The following RPRD1B variants were observed in gnomAD, a reference collection of about 807,000 sequenced individuals.
RPRD1B encodes regulation of nuclear pre-mRNA domain containing 1B, also known as regulation of nuclear pre-mRNA domain-containing protein 1B.
RPRD1B carries 11 observed loss-of-function variants against 41.5 expected under a neutral mutation model. The observed-to-expected ratio is 0.27, with a 90% CI of 0.17 to 0.44. The LOEUF (loss-of-function observed/expected upper bound fraction) is 0.44. Among genes scored for constraint, RPRD1B ranks in the 20% least tolerant of loss-of-function variants. The pLI, the probability that RPRD1B is intolerant of heterozygous loss-of-function variation, is 1.00. For missense variants in RPRD1B, 248 were observed against 389.9 expected, an observed-to-expected ratio of 0.64 and a Z score of 3.06; for synonymous variants, 158 against 155.6, an observed-to-expected ratio of 1.02 and a Z score of -0.12.
chr20:38,038,362 G>A (rs2074024736), intron 1 of RPRD1B, among the ~76,000 whole-genome samples: 1 of 150,222 alleles, frequency 6.7e-6, no homozygotes, highest in African/African-American at 2.5e-5. Flanking sequence ...AGGTGGGAGT[G>A]CAGTTGGCGC....
At chr20:38,064,712 G>A (rs1224543734) in intron 5 of RPRD1B, among the ~76,000 whole-genome samples, 1 of 152,092 alleles carries the variant, frequency 6.6e-6, no homozygotes, top group Non-Finnish European at 1.5e-5. Flanking sequence ...CAAAGCATGA[G>A]TTACAACCCA....
intron 6 of RPRD1B, 106 bp downstream of exon 6, chr20:38,066,362 A>G: frequency 3.7e-6 from 4 of 1,081,330 alleles, no homozygotes; most frequent in Non-Finnish European, 5.3e-6. Context: ...ATCGTTTAAA[A>G]ATTCATGATG....
chr20:38,038,488 T>C (rs2074027323), intron 1 of RPRD1B, among the ~76,000 whole-genome samples: 1 of 123,144 alleles, frequency 8.1e-6, no homozygotes, highest in Admixed American at 7.6e-5. Context: ...TTTTTTTGTT[T>C]TGTTTTTTTT....
Position 38,038,490 on chromosome 20 carries a change from G to GTTTTTTTTT in RPRD1B, c.152-1929_152-1921dup, listed in dbSNP as rs150397040. Among the ~76,000 whole-genome samples the GTTTTTTTTT allele has an allele frequency of 7.0e-4, 54 of 76,786 alleles. 4 individuals are homozygous for GTTTTTTTTT. The highest frequency in any genetic ancestry group is 2.4e-3 in the African/African-American group (49 of 20,716). 50.4% of individuals were successfully genotyped at this position (76,786 alleles called of 152,430 possible). A position where few individuals can be genotyped will look rare whatever the true frequency, so the allele number is the denominator to read the frequency against. On this transcript the variant is annotated intron_variant, in intron 1 of 6. Transcript: ENST00000373433. ...ACGCCCGGCTGATTTTTTTTGTTTT[G>GTTTTTTTTT]TTTTTTTTTTTTTTTTTTTTTTTTG...
chr20:38,066,605 G>A (rs2074359238), intron 6 of RPRD1B, among the ~76,000 whole-genome samples: 1 of 152,110 alleles, frequency 6.6e-6, no homozygotes, highest in South Asian at 2.1e-4. Flanking sequence ...GAATATGTTT[G>A]GTAGTATTTG....
chr20:38,076,906 C>CTTTTTTTTTTTTTTTTTTTTTTTTTTTTT lies in RPRD1B; in HGVS notation c.831+10652_831+10680dup, dbSNP rs573460686. ...CCTTTAGCCTTTTCTCATTCTGGAC[C>CTTTTTTTTTTTTTTTTTTTTTTTTTTTTT]TTTTTTTTTTTTTTTTTTTTTTTTT... is the stretch of plus-strand genomic sequence containing the variant. On this transcript the variant is annotated intron_variant, in intron 6 of 6. Coordinates refer to ENST00000373433, the MANE Select transcript of RPRD1B (RefSeq NM_021215.4). Among the ~76,000 whole-genome samples, 7 of 63,524 alleles carry CTTTTTTTTTTTTTTTTTTTTTTTTTTTTT rather than the reference C, an allele frequency of 1.1e-4. 1 individual carries two copies. The highest frequency in any genetic ancestry group is 1.7e-4 in the Non-Finnish European group (6 of 36,262). 41.7% of individuals were successfully genotyped at this position (63,524 alleles called of 152,430 possible).
intron 1 of RPRD1B, among the ~76,000 whole-genome samples, chr20:38,039,011 T>G (rs1297394629): frequency 6.6e-6 from 1 of 152,210 alleles, no homozygotes; most frequent in African/African-American, 2.4e-5. Flanking sequence ...TTTATTTCTT[T>G]TAAAAGAAAA....
chr20:38,061,546 C>T (rs2074297689), intron 5 of RPRD1B, among the ~76,000 whole-genome samples: 1 of 152,220 alleles, frequency 6.6e-6, no homozygotes, highest in Admixed American at 6.5e-5. Context: ...TTACTCTTTA[C>T]TGGATCATTC....
chr20:38,055,308 A>G (rs976809220), intron 3 of RPRD1B, among the ~76,000 whole-genome samples: 1 of 152,256 alleles, frequency 6.6e-6, no homozygotes, highest in Non-Finnish European at 1.5e-5. Flanking sequence ...TTCTTCTGGT[A>G]TAATTTAGAT....
chr20:38,044,193 CCT>C (rs1440155850), intron 2 of RPRD1B, among the ~76,000 whole-genome samples: 4 of 152,106 alleles, frequency 2.6e-5, no homozygotes, highest in Admixed American at 6.5e-5. Context: ...GCTTCCGAGT[CCT>C]CTCTCAGTGT....
At chr20:38,047,272 A>G (rs1456242287) in intron 2 of RPRD1B, among the ~76,000 whole-genome samples, 1 of 152,160 alleles carries the variant, frequency 6.6e-6, no homozygotes, top group Non-Finnish European at 1.5e-5. Context: ...TGAGTCCTTT[A>G]GTCAGTGAAA....
intron 3 of RPRD1B, among the ~76,000 whole-genome samples, chr20:38,054,452 G>A (rs910909225): frequency 2.0e-5 from 3 of 152,164 alleles, no homozygotes; most frequent in Non-Finnish European, 2.9e-5. Flanking sequence ...AATGCTGTTC[G>A]TGAGCAACAG....
At chr20:38,077,370 G>A (rs960495913) in intron 6 of RPRD1B, among the ~76,000 whole-genome samples, 4 of 152,068 alleles carry the variant, frequency 2.6e-5, no homozygotes, top group Admixed American at 6.5e-5. Flanking sequence ...GTATGGCTGC[G>A]ACAGACTGTC....
chr20:38,087,082 T>G (rs571116437), intron 6 of RPRD1B, among the ~76,000 whole-genome samples: 2 of 152,106 alleles, frequency 1.3e-5, no homozygotes, highest in South Asian at 4.1e-4. Context: ...CTCAGCCCCC[T>G]GAGTAGCTGC....
rs2074610684 is a variant in RPRD1B at position 38,091,410 on chromosome 20, A to G, written c.*1535A>G. ...CATGAAGTGAGAACAATGAAAAGTC[A>G]TAGCAGATACTCAGTTTAACTCTGT... On this transcript the variant is annotated 3_prime_UTR_variant, in exon 7 of 7. Coordinates refer to ENST00000373433, the MANE Select transcript of RPRD1B (RefSeq NM_021215.4). 1.0e-6 allele frequency: 1 copy of G among 985,442 alleles called. No individual in the cohort carries two copies. Among genetic ancestry groups the G allele is most frequent in the Non-Finnish European group, 1.2e-6 (1 of 829,932 alleles). 61.0% of individuals were successfully genotyped at this position (985,442 alleles called of 1,614,324 possible).
At chr20:38,068,010 G>A (rs2074374394) in intron 6 of RPRD1B, among the ~76,000 whole-genome samples, 1 of 152,232 alleles carries the variant, frequency 6.6e-6, no homozygotes, top group Admixed American at 6.5e-5. Context: ...GGTTGGTAGA[G>A]CTGGTTAACT....
At chr20:38,075,291 C>T (rs1414170252) in intron 6 of RPRD1B, among the ~76,000 whole-genome samples, 1 of 152,168 alleles carries the variant, frequency 6.6e-6, no homozygotes, top group Admixed American at 6.5e-5. Flanking sequence ...TTTGTATAAA[C>T]CTCTATACAA....
chr20:38,044,284 A>G (rs2074098751), intron 2 of RPRD1B, among the ~76,000 whole-genome samples: 1 of 152,160 alleles, frequency 6.6e-6, no homozygotes. Flanking sequence ...AAGCTCATTA[A>G]AGACTCTGTG....
At chr20:38,039,178 A>T (rs988600612) in intron 1 of RPRD1B, among the ~76,000 whole-genome samples, 3 of 152,178 alleles carry the variant, frequency 2.0e-5, no homozygotes, top group African/African-American at 7.2e-5. Context: ...AGTAATAGGG[A>T]ATAACCACAT....
Sources: allele counts gnomAD v4.1 joint callset (sites outside exome capture counted in the v4.1 genomes callset), GRCh38; gene constraint gnomAD v4.1.1; transcripts MANE v1.5; gene names NCBI Gene and HGNC (gene_info 2026-07-23, HGNC 2026-07-21).